The following TDG variants were observed in gnomAD, a reference collection of about 807,000 sequenced individuals.
TDG encodes the protein thymine DNA glycosylase.
A neutral mutation model predicts 46.1 loss-of-function variants in TDG; 23 were observed. The ratio of observed to expected loss-of-function variants is 0.50; its 90% CI spans 0.36 to 0.71. TDG has a LOEUF of 0.71. Ranked by LOEUF, TDG falls within the 30% of genes least tolerant of loss-of-function variation. The pLI, the probability that TDG is intolerant of heterozygous loss-of-function variation, is 0.00. For synonymous variants in TDG, 115 were observed against 161.3 expected, an observed-to-expected ratio of 0.71 and a Z score of 2.18; for missense variants, 304 against 486.7, an observed-to-expected ratio of 0.62 and a Z score of 3.53.
At chr12:103,968,988 C>G (rs1871179102) in intron 1 of TDG, among the ~76,000 whole-genome samples, 1 of 152,172 alleles carries the variant, frequency 6.6e-6, no homozygotes, top group Non-Finnish European at 1.5e-5. Flanking sequence ...ATTAGCTGGG[C>G]ATGGTGGCAT....
intron 1 of TDG, among the ~76,000 whole-genome samples, chr12:103,968,501 T>G (rs1456540099): frequency 2.0e-5 from 3 of 152,222 alleles, no homozygotes; most frequent in Admixed American, 2.0e-4. Flanking sequence ...CTAAGTACTT[T>G]GTTCTGATTT....
At chr12:103,980,234 T>A in intron 3 of TDG, 162 bp downstream of exon 3, 2 of 933,250 alleles carry the variant, frequency 2.1e-6, no homozygotes, top group Non-Finnish European at 3.1e-6. Context: ...TATGAGAGTG[T>A]TTAAGAGGGT....
rs1398990399 is a variant in TDG at position 103,983,156 on chromosome 12, G to T, written c.635G>T (p.Gly212Val). Residue 212 changes from glycine to valine, a missense_variant, in exon 6 of 10, where the codon GGA (glycine) becomes GTA (valine). Physicochemically the swap from Gly to Val is moderately radical, Grantham distance 109 (BLOSUM62 -3). Coordinates refer to ENST00000392872, the MANE Select transcript of TDG (RefSeq NM_003211.6). ...DLSSKEFREG[G>V]RILVQKLQKY... The stretch of plus-strand genomic sequence containing the variant: ...TTTAGTAAAGAATTTCGTGAAGGAG[G>T]ACGTATTCTAGTACAGAAATTACAG... The T allele has an allele frequency of 3.1e-6, 5 of 1,605,852 alleles. No individual in the cohort carries two copies. The African/African-American group carries it at 5.4e-5, about 17-fold the overall frequency.
At chr12:103,986,307 G>A (rs1227096357) in intron 9 of TDG, 1 of 152,194 alleles carries the variant, frequency 6.6e-6, no homozygotes, top group African/African-American at 2.4e-5. Flanking sequence ...TGTATCTGAA[G>A]AACAGAAACT....
At position 103,966,072 on chromosome 12, in the gene TDG, G is replaced by A. The variant is rs749960696; in HGVS notation, c.23+12G>A. ...GAGAACGCGGGCAGGTAATACCGGG[G>A]CCAGCGCCGCCCCTCCCTTGCGCCC... On this transcript the variant is annotated intron_variant, in intron 1 of 9. Coordinates refer to ENST00000392872, the MANE Select transcript of TDG (RefSeq NM_003211.6). 17 of 1,561,648 alleles carry A rather than the reference G, an allele frequency of 1.1e-5. No individual in the cohort carries two copies. In the Middle Eastern group the frequency reaches 8.6e-4, roughly 79 times the overall value.
intron 8 of TDG, 123 bp downstream of exon 8, chr12:103,985,043 G>A (rs1872054240): frequency 7.8e-6 from 5 of 641,494 alleles, no homozygotes; most frequent in Middle Eastern, 4.6e-4. Context: ...GCACATATAT[G>A]CACACGTGTA....
Position 103,987,105 on chromosome 12 carries a change from A to C in TDG, c.*15A>C, listed in dbSNP as rs1872200386. ...GCCATGCTTAAGAATGGTGCTTCTC[A>C]GCTCTGCTTAAATGCTGCAGTTTTA... On this transcript the variant is annotated 3_prime_UTR_variant, in exon 10 of 10. Transcript: ENST00000392872. The C allele has an allele frequency of 6.2e-7, 1 of 1,611,068 alleles. No homozygotes were observed. Among genetic ancestry groups the C allele is most frequent in the Non-Finnish European group, 8.5e-7 (1 of 1,178,284 alleles).
At chr12:103,981,492 C>T (rs1871833297) in intron 4 of TDG, among the ~76,000 whole-genome samples, 1 of 151,954 alleles carries the variant, frequency 6.6e-6, no homozygotes, top group African/African-American at 2.4e-5. Flanking sequence ...ACCTCAGCCT[C>T]CCAAAGTGCT....
Position 103,979,991 on chromosome 12 carries a change from C to G in TDG, c.327C>G (p.Asp109Glu), listed in dbSNP as rs1327415080. The change falls in exon 3 of 10, where the codon GAC becomes GAG. Residue 109 changes from aspartate to glutamate, a missense_variant. Physicochemically the swap from Asp to Glu is conservative, Grantham distance 45. Transcript: ENST00000392872. ...CATTTAAAGTAAAAAGAAAAGTAGA[C>G]CGTTTTAATGGTGTTTCAGAAGCTG... The part of the protein sequence containing the change: ...TDTFKVKRKV[D>E]RFNGVSEAEL... 6 of 1,613,520 alleles carry G rather than the reference C, an allele frequency of 3.7e-6. No individual in the cohort carries two copies. The South Asian group carries it at 6.6e-5, about 18-fold the overall frequency.
intron 1 of TDG, among the ~76,000 whole-genome samples, chr12:103,969,556 T>A (rs904701982): frequency 1.3e-5 from 2 of 152,140 alleles, no homozygotes; most frequent in African/African-American, 2.4e-5. Context: ...TGGGAGGAAT[T>A]TGTGGAATTA....
At chr12:103,980,865 T>C in intron 3 of TDG, 28 bp from the exon 4 acceptor site, 1 of 1,606,044 alleles carries the variant, frequency 6.2e-7, no homozygotes, top group Non-Finnish European at 8.5e-7. Context: ...CTTTTTAAGA[T>C]GAAATGTCTA....
chr12:103,984,689 CAAT>C lies in TDG; in HGVS notation c.793-59_793-57del, dbSNP rs1872018089. On this transcript the variant is annotated intron_variant, in intron 7 of 9. Transcript: ENST00000392872. ...CAAATAAAGACAAATATTCTAATCT[CAAT>C]GAGTGAATTCAATAGAATTATAAGA... is the stretch of plus-strand genomic sequence containing the variant. 28 of 1,296,970 alleles carry C rather than the reference CAAT, an allele frequency of 2.2e-5. 1 individual carries two copies. The South Asian group carries it at 6.1e-4, about 28-fold the overall frequency. The allele number at this position is 1,296,970 out of a possible 1,614,324, so 80.3% of individuals were successfully genotyped here.
At position 103,976,997 on chromosome 12, in the gene TDG, G is replaced by A. The variant is rs1304721746; in HGVS notation, c.103G>A (p.Val35Met). The A allele has an allele frequency of 5.0e-6, 8 of 1,613,964 alleles. No individual in the cohort carries two copies. Among genetic ancestry groups the A allele is most frequent in the Non-Finnish European group, 5.9e-6 (7 of 1,179,986 alleles). The change falls in exon 2 of 10, where the codon GTG (valine) becomes ATG (methionine). Residue 35 changes from valine (V) to methionine (M), a missense_variant. By Grantham distance (21) the Val-to-Met change is conservative. Transcript: ENST00000392872. ...LMAEAPNMAV[V>M]NEQQMPEEVP... ...GGCTGAAGCTCCTAATATGGCAGTT[G>A]TGAATGAACAGCAAATGCCAGAAGA...
At chr12:103,986,317 T>G (rs2136244947) in intron 9 of TDG, 1 of 152,388 alleles carries the variant, frequency 6.6e-6, no homozygotes, top group African/African-American at 2.4e-5. Context: ...GAACAGAAAC[T>G]TAACAGTTGT....
At chr12:103,985,166 TACACACACAC>T (rs375705839) in intron 8 of TDG, among the ~76,000 whole-genome samples, 20,516 of 138,554 alleles carry the variant, frequency 0.15, 1,596 homozygotes, top group Admixed American at 0.21. Context: ...TATAGACACA[TACACACACAC>T]ACACACACAC....
intron 1 of TDG, among the ~76,000 whole-genome samples, chr12:103,969,730 C>T (rs1871210945): frequency 6.6e-6 from 1 of 152,176 alleles, no homozygotes; most frequent in African/African-American, 2.4e-5. Flanking sequence ...TGATGGGAAA[C>T]TCAGTGTGAA....
rs1464915321 is a variant in TDG, at chr12:103,970,140, G to C, written c.23+4080G>C. ...TCATTATTTTGTAAGTATTCAGTAT[G>C]GTATATGCTTTTTTTAAGTGAAGAT... On this transcript the variant is annotated intron_variant, in intron 1 of 9. Transcript: ENST00000392872. Among the ~76,000 whole-genome samples, 3 of 152,108 alleles carry C rather than the reference G, an allele frequency of 2.0e-5. No homozygotes were observed. In the East Asian group the frequency reaches 5.8e-4, roughly 29 times the overall value.
intron 4 of TDG, among the ~76,000 whole-genome samples, chr12:103,982,377 C>T (rs1871881881): frequency 6.6e-6 from 1 of 152,180 alleles, no homozygotes; most frequent in African/African-American, 2.4e-5. Flanking sequence ...AAAATAGTCT[C>T]AAAGTTTCCT....
intron 1 of TDG, among the ~76,000 whole-genome samples, chr12:103,969,365 G>T (rs1489553934): frequency 6.6e-6 from 1 of 152,194 alleles, no homozygotes; most frequent in Non-Finnish European, 1.5e-5. Flanking sequence ...AGATGGAGAT[G>T]GACTGATGGC....
Sources: allele counts gnomAD v4.1 joint callset (sites outside exome capture counted in the v4.1 genomes callset), GRCh38; gene constraint gnomAD v4.1.1; transcripts MANE v1.5; gene names NCBI Gene and HGNC (gene_info 2026-07-23, HGNC 2026-07-21).